The following MACROD2 variants were observed in gnomAD, a reference collection of about 807,000 sequenced individuals.
MACROD2 encodes ADP-ribose glycohydrolase MACROD2.
In MACROD2, 36 loss-of-function variants were observed where a neutral mutation model predicts 70.4. That is an observed-to-expected ratio of 0.51 (90% CI 0.39 to 0.68). The LOEUF (loss-of-function observed/expected upper bound fraction) is 0.68. Among genes scored for constraint, MACROD2 ranks in the 30% least tolerant of loss-of-function variants. The pLI, the probability that MACROD2 is intolerant of heterozygous loss-of-function variation, is 0.00. For synonymous variants in MACROD2, 172 were observed against 178.8 expected, an observed-to-expected ratio of 0.96 and a Z score of 0.30; for missense variants, 496 against 538.4, an observed-to-expected ratio of 0.92 and a Z score of 0.78.
chr20:15,212,746 T>C (rs2076775247), intron 5 of MACROD2, among the ~76,000 whole-genome samples: 1 of 152,208 alleles, frequency 6.6e-6, no homozygotes, highest in South Asian at 2.1e-4. Flanking sequence ...AGCTGTACAC[T>C]GCCATATAGT....
At chr20:14,139,286 A>G (rs1419181088) in intron 3 of MACROD2, among the ~76,000 whole-genome samples, 1 of 152,194 alleles carries the variant, frequency 6.6e-6, no homozygotes, top group Admixed American at 6.5e-5. Context: ...CATTCCGCCC[A>G]GCCGCCCTTT....
intron 5 of MACROD2, among the ~76,000 whole-genome samples, chr20:14,847,133 A>G (rs1347873095): frequency 6.6e-6 from 1 of 152,164 alleles, no homozygotes; most frequent in Non-Finnish European, 1.5e-5. Context: ...GGTTACTTTA[A>G]AAAAAGAGTA....
chr20:14,319,214 T>C (rs2082638178), intron 3 of MACROD2, among the ~76,000 whole-genome samples: 1 of 152,194 alleles, frequency 6.6e-6, no homozygotes, highest in Non-Finnish European at 1.5e-5. Context: ...CTTACCTTCA[T>C]ACCAACTCAT....
At chr20:14,451,372 C>T (rs1002032573) in intron 3 of MACROD2, among the ~76,000 whole-genome samples, 1 of 152,100 alleles carries the variant, frequency 6.6e-6, no homozygotes, top group Non-Finnish European at 1.5e-5. Flanking sequence ...TTGCTTGAAC[C>T]CAGGAGGCAG....
intron 5 of MACROD2, among the ~76,000 whole-genome samples, chr20:15,118,598 T>A (rs1009758481): frequency 6.6e-6 from 1 of 152,156 alleles, no homozygotes; most frequent in Non-Finnish European, 1.5e-5. Context: ...CCTTAAAGCA[T>A]TTGTCCTCAG....
At chr20:14,342,141 A>G (rs916011609) in intron 3 of MACROD2, among the ~76,000 whole-genome samples, 2 of 152,184 alleles carry the variant, frequency 1.3e-5, no homozygotes. Flanking sequence ...CTTAAGCCCA[A>G]TGCAGGAGCT....
chr20:15,742,528 C>T (rs966353243), intron 8 of MACROD2, among the ~76,000 whole-genome samples: 5 of 152,104 alleles, frequency 3.3e-5, no homozygotes, highest in African/African-American at 4.8e-5. Context: ...AGGGAATCAG[C>T]GTGCGAAGAA....
intron 3 of MACROD2, among the ~76,000 whole-genome samples, chr20:14,235,915 A>G (rs1433231159): frequency 1.1e-4 from 1 of 9,016 alleles, no homozygotes; most frequent in African/African-American, 2.5e-4. Context: ...GTGGAAAAAC[A>G]TACTTAATAG....
chr20:14,121,463 T>C (rs1601247359), intron 3 of MACROD2, among the ~76,000 whole-genome samples: 1 of 152,226 alleles, frequency 6.6e-6, no homozygotes, highest in Non-Finnish European at 1.5e-5. Context: ...TACTTCATGA[T>C]ATTAAATTGA....
intron 3 of MACROD2, among the ~76,000 whole-genome samples, chr20:14,172,393 C>A (rs2081229937): frequency 6.6e-6 from 1 of 150,802 alleles, no homozygotes; most frequent in Non-Finnish European, 1.5e-5. Context: ...CAACTTCCAC[C>A]TCCTGGGTTT....
At chr20:15,235,624 T>G (rs1319564882) in intron 6 of MACROD2, among the ~76,000 whole-genome samples, 1 of 152,248 alleles carries the variant, frequency 6.6e-6, no homozygotes, top group East Asian at 1.9e-4. Flanking sequence ...TGAATCTTAT[T>G]TTCTTATACA....
chr20:15,635,898 T>A (rs2049356518), intron 8 of MACROD2, among the ~76,000 whole-genome samples: 1 of 151,330 alleles, frequency 6.6e-6, no homozygotes, highest in Admixed American at 6.6e-5. Context: ...CAAAACCCCA[T>A]CTCTTCTAAA....
At chr20:14,574,025 G>A (rs1980397486) in intron 4 of MACROD2, among the ~76,000 whole-genome samples, 1 of 152,140 alleles carries the variant, frequency 6.6e-6, no homozygotes, top group African/African-American at 2.4e-5. Flanking sequence ...CCTTAACCAC[G>A]TGGAGCTGAT....
chr20:15,958,167 C>T (rs1228256510), intron 12 of MACROD2, among the ~76,000 whole-genome samples: 1 of 152,160 alleles, frequency 6.6e-6, no homozygotes, highest in African/African-American at 2.4e-5. Flanking sequence ...CTATTATACA[C>T]AGAACTGATA....
chr20:15,095,777 G>A (rs1314141074), intron 5 of MACROD2, among the ~76,000 whole-genome samples: 3 of 151,522 alleles, frequency 2.0e-5, no homozygotes, highest in Admixed American at 6.6e-5. Context: ...TTGGCCTCCC[G>A]AAGTGCTGGG....
intron 5 of MACROD2, among the ~76,000 whole-genome samples, chr20:14,940,046 TATAGGAAATCCTAA>T (rs2074376072): frequency 1.4e-5 from 2 of 145,210 alleles, no homozygotes; most frequent in South Asian, 4.3e-4. Flanking sequence ...GTCGTCTGTA[TATAGGAAATCCTAA>T]ATCAAAAACC....
chr20:14,114,725 T>C (rs1328851491), intron 3 of MACROD2, among the ~76,000 whole-genome samples: 1 of 152,162 alleles, frequency 6.6e-6, no homozygotes, highest in African/African-American at 2.4e-5. Flanking sequence ...TTCTTATAAT[T>C]TCTCAAACTC....
At chr20:15,961,248 G>A (rs1325434757) in intron 12 of MACROD2, among the ~76,000 whole-genome samples, 4 of 152,126 alleles carry the variant, frequency 2.6e-5, no homozygotes, top group African/African-American at 9.7e-5. Context: ...AGGTGAGTTT[G>A]TGGATCCTTC....
At chr20:14,636,243 A>G (rs1984779924) in intron 4 of MACROD2, among the ~76,000 whole-genome samples, 1 of 151,974 alleles carries the variant, frequency 6.6e-6, no homozygotes, top group South Asian at 2.1e-4. Context: ...GGAAGTTCCT[A>G]TCCTCCATAT....
Sources: allele counts gnomAD v4.1 joint callset (sites outside exome capture counted in the v4.1 genomes callset), GRCh38; gene constraint gnomAD v4.1.1; transcripts MANE v1.5; gene names NCBI Gene and HGNC (gene_info 2026-07-23, HGNC 2026-07-21).